Variants in IGSF11 observed in about 807,000 individuals in gnomAD.
IGSF11 encodes the protein immunoglobulin superfamily member 11, also known as CXADR like 1.
In IGSF11, 22 loss-of-function variants were observed where a neutral mutation model predicts 41.0. The ratio of observed to expected loss-of-function variants is 0.54; its 90% CI spans 0.38 to 0.77. The LOEUF (loss-of-function observed/expected upper bound fraction) is 0.77, where lower values mean the gene tolerates loss of function less well. Among genes scored for constraint, IGSF11 ranks in the 30% least tolerant of loss-of-function variants. The pLI is 0.00. For missense variants in IGSF11, 444 were observed against 530.8 expected, an observed-to-expected ratio of 0.84 and a Z score of 1.61; for synonymous variants, 219 against 201.3, an observed-to-expected ratio of 1.09 and a Z score of -0.74.
intron 1 of IGSF11, among the ~76,000 whole-genome samples, chr3:118,931,213 G>C (rs954640378): frequency 3.3e-5 from 5 of 152,076 alleles, no homozygotes; most frequent in African/African-American, 1.2e-4. Flanking sequence ...AACAGAAAAT[G>C]ATCACAGACC....
chr3:118,910,215 CCATTAT>C (rs1240938071), intron 4 of IGSF11, among the ~76,000 whole-genome samples: 2 of 152,270 alleles, frequency 1.3e-5, no homozygotes, highest in African/African-American at 2.4e-5. Context: ...AGAAATGTTA[CCATTAT>C]CATTATTTCA....
chr3:119,042,954 C>T (rs892885624), intron 1 of IGSF11, among the ~76,000 whole-genome samples: 3 of 152,114 alleles, frequency 2.0e-5, no homozygotes, highest in Non-Finnish European at 2.9e-5. Context: ...TCCAAGATGG[C>T]AGCAAGCCTC....
chr3:119,109,770 A>G (rs1192288233), upstream of IGSF11, among the ~76,000 whole-genome samples: 1 of 151,982 alleles, frequency 6.6e-6, no homozygotes, highest in Admixed American at 6.6e-5. Flanking sequence ...AATGTGTCCC[A>G]GAGATTCTGG....
chr3:119,134,569 A>C (rs1194347393), intron 1 of IGSF11, among the ~76,000 whole-genome samples: 1 of 152,228 alleles, frequency 6.6e-6, no homozygotes, highest in Non-Finnish European at 1.5e-5. Flanking sequence ...AAAAGAGGAC[A>C]CAAACAAATG....
intron 1 of IGSF11, among the ~76,000 whole-genome samples, chr3:118,962,819 G>C (rs534822418): frequency 1.3e-5 from 2 of 152,080 alleles, no homozygotes; most frequent in Admixed American, 6.5e-5. Flanking sequence ...GGAATAACTG[G>C]AAGGGCAAGA....
At chr3:118,932,421 G>A (rs950701798) in intron 1 of IGSF11, among the ~76,000 whole-genome samples, 3 of 152,270 alleles carry the variant, frequency 2.0e-5, no homozygotes, top group Admixed American at 6.5e-5. Flanking sequence ...TGTACAGAAC[G>A]TCATGTTCTT....
rs1220412474 is a variant in IGSF11 at position 118,996,592 on chromosome 3, G to GT, written c.52+37938dup. Among the ~76,000 whole-genome samples, 37 of 147,698 alleles carry GT rather than the reference G, an allele frequency of 2.5e-4. 1 individual carries two copies. Among genetic ancestry groups the GT allele is most frequent in the East Asian group, 1.4e-3 (7 of 5,054 alleles). ...ACTTTAAAGACAAAGAACATGTCTT[G>GT]TTTTTTTTTTGTTTTTGTTTTTGTT... is the stretch of plus-strand genomic sequence containing the variant. On this transcript the variant is annotated intron_variant, in intron 1 of 6. Coordinates refer to ENST00000393775, the MANE Select transcript of IGSF11 (RefSeq NM_001015887.3).
At chr3:118,967,926 G>C (rs1463105450) in intron 1 of IGSF11, among the ~76,000 whole-genome samples, 4 of 152,020 alleles carry the variant, frequency 2.6e-5, no homozygotes, top group Non-Finnish European at 4.4e-5. Flanking sequence ...GGACACATTT[G>C]CCAATAACTT....
intron 1 of IGSF11, among the ~76,000 whole-genome samples, chr3:119,135,326 T>G (rs1453492704): frequency 6.6e-6 from 1 of 152,190 alleles, no homozygotes; most frequent in East Asian, 1.9e-4. Flanking sequence ...GACAAAGGGC[T>G]AATATCCAGA....
intron 1 of IGSF11, among the ~76,000 whole-genome samples, chr3:119,046,758 T>G (rs1446588058): frequency 1.3e-5 from 2 of 152,054 alleles, no homozygotes; most frequent in East Asian, 3.8e-4. Flanking sequence ...AAGGTCTGGT[T>G]ACCCTCAAAG....
chr3:119,045,303 G>A (rs903499667), intron 1 of IGSF11, among the ~76,000 whole-genome samples: 15 of 152,350 alleles, frequency 9.8e-5, no homozygotes, highest in South Asian at 8.3e-4. Flanking sequence ...TGCACGAGCC[G>A]AAGCAGGGCG....
chr3:119,044,948 C>T (rs746145122), intron 1 of IGSF11, among the ~76,000 whole-genome samples: 12 of 152,138 alleles, frequency 7.9e-5, no homozygotes, highest in East Asian at 3.9e-4. Flanking sequence ...AAAATAGAAC[C>T]GCCTTAAAGC....
intron 1 of IGSF11, among the ~76,000 whole-genome samples, chr3:119,029,870 T>C (rs1271372740): frequency 1.3e-5 from 2 of 152,248 alleles, no homozygotes; most frequent in African/African-American, 4.8e-5. Context: ...AAAGTCATAT[T>C]GTATTATTAC....
chr3:119,076,504 T>C (rs1382469685), intron 1 of IGSF11, among the ~76,000 whole-genome samples: 10 of 152,162 alleles, frequency 6.6e-5, no homozygotes, highest in Admixed American at 3.3e-4. Flanking sequence ...ATTTTTGCAA[T>C]CTACTCATCT....
intron 1 of IGSF11, among the ~76,000 whole-genome samples, chr3:119,048,699 G>T (rs951913185): frequency 5.9e-5 from 9 of 151,962 alleles, no homozygotes; most frequent in African/African-American, 1.9e-4. Context: ...AACAAAAAAA[G>T]ACAATTTTAG....
intron 1 of IGSF11, among the ~76,000 whole-genome samples, chr3:119,140,089 A>G (rs1471274238): frequency 6.6e-6 from 1 of 152,130 alleles, no homozygotes; most frequent in Non-Finnish European, 1.5e-5. Flanking sequence ...GAAAGACTTG[A>G]GGAACAAAAA....
chr3:119,016,158 G>A (rs1335795792), intron 1 of IGSF11, among the ~76,000 whole-genome samples: 2 of 152,208 alleles, frequency 1.3e-5, no homozygotes, highest in African/African-American at 4.8e-5. Context: ...CCAGGAAGGA[G>A]GCACAAAGGG....
At chr3:119,052,947 C>G (rs990746439) in intron 1 of IGSF11, among the ~76,000 whole-genome samples, 4 of 152,124 alleles carry the variant, frequency 2.6e-5, no homozygotes, top group African/African-American at 9.7e-5. Flanking sequence ...ATCCAGCATC[C>G]CTTTGTGATT....
At chr3:118,981,318 T>A (rs1934690808) in intron 1 of IGSF11, among the ~76,000 whole-genome samples, 1 of 152,072 alleles carries the variant, frequency 6.6e-6, no homozygotes, top group Non-Finnish European at 1.5e-5. Flanking sequence ...TACAGGCACA[T>A]GCCACCATGC....
Sources: allele counts gnomAD v4.1 joint callset (sites outside exome capture counted in the v4.1 genomes callset), GRCh38; gene constraint gnomAD v4.1.1; transcripts MANE v1.5; gene names NCBI Gene and HGNC (gene_info 2026-07-23, HGNC 2026-07-21).